Variants in SLC24A2 observed in about 807,000 individuals in gnomAD.
SLC24A2 encodes the protein solute carrier family 24 member 2, also known as sodium/potassium/calcium exchanger 2.
In SLC24A2, 36 loss-of-function variants were observed where a neutral mutation model predicts 62.0. The ratio of observed to expected loss-of-function variants is 0.58; its 90% CI spans 0.44 to 0.77. SLC24A2 has a LOEUF of 0.77. SLC24A2 is among the 30% of genes least tolerant of loss of function. SLC24A2 has a pLI of 0.00. For synonymous variants in SLC24A2, 358 were observed against 294.0 expected (o/e 1.22, Z -2.23); for missense variants, 846 against 817.9 (o/e 1.03, Z -0.42).
the SLC24A2 span, among the ~76,000 whole-genome samples, chr9:20,257,393 G>T: frequency 6.6e-6 from 1 of 152,048 alleles, no homozygotes; most frequent in Admixed American, 6.6e-5. Context: ...GTAAGTCCTG[G>T]TGCCCTTTTT....
chr9:20,167,515 C>G, the SLC24A2 span, among the ~76,000 whole-genome samples: 1 of 151,908 alleles, frequency 6.6e-6, no homozygotes, highest in East Asian at 1.9e-4. Context: ...AGATAAAGAC[C>G]TAGAAGCAAT....
chr9:20,015,836 G>C, the SLC24A2 span, among the ~76,000 whole-genome samples: 1 of 152,132 alleles, frequency 6.6e-6, no homozygotes, highest in Non-Finnish European at 1.5e-5. Context: ...CCTGTTCTCA[G>C]CTTTGGACCC....
the SLC24A2 span, among the ~76,000 whole-genome samples, chr9:20,040,170 C>G: frequency 6.6e-6 from 1 of 152,068 alleles, no homozygotes; most frequent in Non-Finnish European, 1.5e-5. Context: ...CCAACACTTA[C>G]CATCTTGAAT....
chr9:19,689,881 G>C (rs1255166875), intron 2 of SLC24A2, among the ~76,000 whole-genome samples: 1 of 152,124 alleles, frequency 6.6e-6, no homozygotes, highest in Non-Finnish European at 1.5e-5. Context: ...TTAGCAATGA[G>C]TTGGCAGGCT....
At chr9:20,285,267 C>G in the SLC24A2 span, among the ~76,000 whole-genome samples, 2 of 152,174 alleles carry the variant, frequency 1.3e-5, no homozygotes, top group African/African-American at 2.4e-5. Flanking sequence ...TCCAGAGAAA[C>G]AGAACCAATA....
the SLC24A2 span, among the ~76,000 whole-genome samples, chr9:19,795,600 T>A: frequency 6.6e-6 from 1 of 152,156 alleles, no homozygotes; most frequent in Non-Finnish European, 1.5e-5. Context: ...CTTAGGACCA[T>A]CTTTCAAAGT....
the SLC24A2 span, among the ~76,000 whole-genome samples, chr9:20,257,043 C>G: frequency 2.0e-5 from 3 of 152,078 alleles, no homozygotes; most frequent in African/African-American, 7.2e-5. Context: ...AAAGCTTAAT[C>G]ATTTCAGAGA....
chr9:19,901,690 G>GTCA, the SLC24A2 span, among the ~76,000 whole-genome samples: 1 of 152,174 alleles, frequency 6.6e-6, no homozygotes, highest in Non-Finnish European at 1.5e-5. Context: ...TTAGGCCCTA[G>GTCA]ATGTCAAAGG....
intron 2 of SLC24A2, among the ~76,000 whole-genome samples, chr9:19,780,804 C>T (rs1257151747): frequency 1.4e-5 from 2 of 142,166 alleles, no homozygotes; most frequent in South Asian, 2.3e-4. Flanking sequence ...ACCCGGGAGG[C>T]GGAGCCTGCA....
At chr9:19,744,502 G>A (rs1821774403) in intron 2 of SLC24A2, among the ~76,000 whole-genome samples, 1 of 152,114 alleles carries the variant, frequency 6.6e-6, no homozygotes, top group East Asian at 1.9e-4. Flanking sequence ...TCAAAGAAGG[G>A]AAGGACCAGA....
chr9:20,301,904 C>G, the SLC24A2 span, among the ~76,000 whole-genome samples: 1 of 152,138 alleles, frequency 6.6e-6, no homozygotes, highest in South Asian at 2.1e-4. Context: ...GCCTATTCAC[C>G]TCTCCCTCCT....
At chr9:20,023,211 A>T in the SLC24A2 span, among the ~76,000 whole-genome samples, 1 of 152,226 alleles carries the variant, frequency 6.6e-6, no homozygotes, top group Non-Finnish European at 1.5e-5. Flanking sequence ...TATGGTCCCA[A>T]GGTTTGAAAT....
the SLC24A2 span, among the ~76,000 whole-genome samples, chr9:20,076,213 C>G: frequency 6.6e-6 from 1 of 152,012 alleles, no homozygotes; most frequent in South Asian, 2.1e-4. Context: ...AGAGTCAAAG[C>G]AAAAAGTTCC....
the SLC24A2 span, among the ~76,000 whole-genome samples, chr9:20,229,621 G>C: frequency 6.6e-6 from 1 of 151,872 alleles, no homozygotes; most frequent in Non-Finnish European, 1.5e-5. Flanking sequence ...GAGCTTCCCA[G>C]TCTCGGGTCC....
chr9:19,956,272 C>G, the SLC24A2 span, among the ~76,000 whole-genome samples: 1 of 152,246 alleles, frequency 6.6e-6, no homozygotes, highest in Non-Finnish European at 1.5e-5. Context: ...GTGAACATCT[C>G]TGCTCCATAA....
the SLC24A2 span, among the ~76,000 whole-genome samples, chr9:20,096,030 G>C: frequency 6.6e-6 from 1 of 152,134 alleles, no homozygotes; most frequent in Non-Finnish European, 1.5e-5. Context: ...TACAATTGAA[G>C]ATGAGATGTA....
At chr9:20,078,422 T>C in the SLC24A2 span, among the ~76,000 whole-genome samples, 3 of 149,618 alleles carry the variant, frequency 2.0e-5, no homozygotes, top group Admixed American at 6.7e-5. Context: ...GTGGTCAGCA[T>C]AGGTTTCTGG....
the SLC24A2 span, among the ~76,000 whole-genome samples, chr9:19,815,968 T>TTA: frequency 6.8e-6 from 1 of 147,732 alleles, no homozygotes; most frequent in Non-Finnish European, 1.5e-5. Context: ...CCTTTTTTTT[T>TTA]TTTTTTTTTT....
intron 2 of SLC24A2, among the ~76,000 whole-genome samples, chr9:19,760,730 T>C (rs1822295465): frequency 6.6e-6 from 1 of 152,044 alleles, no homozygotes; most frequent in Non-Finnish European, 1.5e-5. Context: ...TATTCCATGG[T>C]GTATATGTGC....
Sources: gnomAD v4.1 joint callset for allele counts (sites outside exome capture counted in the v4.1 genomes callset) on GRCh38, gnomAD v4.1.1 for gene constraint, MANE v1.5 for transcripts, NCBI Gene and HGNC (gene_info 2026-07-23, HGNC 2026-07-21) for gene names.